The following TMEM165 variants were observed in gnomAD, a reference collection of about 807,000 sequenced individuals.
TMEM165 encodes transmembrane protein 165.
A neutral mutation model predicts 30.0 loss-of-function variants in TMEM165; 19 were observed. The ratio of observed to expected loss-of-function variants is 0.63; its 90% CI spans 0.44 to 0.93. The LOEUF (loss-of-function observed/expected upper bound fraction) is 0.93, where lower values mean the gene tolerates loss of function less well. Among genes scored for constraint, TMEM165 ranks in the 40% least tolerant of loss-of-function variants. TMEM165 has a pLI of 0.00. For synonymous variants in TMEM165, 168 were observed against 162.9 expected (o/e 1.03, Z -0.24); for missense variants, 340 against 417.0 (o/e 0.82, Z 1.61).
intron 1 of TMEM165, among the ~76,000 whole-genome samples, chr4:55,401,901 G>C (rs1008157624): frequency 2.0e-5 from 3 of 149,992 alleles, no homozygotes; most frequent in Non-Finnish European, 4.4e-5. Flanking sequence ...TGGATCACCT[G>C]AGGTCAAGAG....
At chr4:55,400,361 A>AAT (rs1720941685) in intron 1 of TMEM165, among the ~76,000 whole-genome samples, 3 of 54,162 alleles carry the variant, frequency 5.5e-5, no homozygotes, top group East Asian at 1.5e-3. Flanking sequence ...ATATTAATAT[A>AAT]ATTAATTATA....
At chr4:55,446,646 C>T (rs1577689335) in intron 3 of TMEM165, among the ~76,000 whole-genome samples, 2 of 152,148 alleles carry the variant, frequency 1.3e-5, no homozygotes, top group South Asian at 4.1e-4. Flanking sequence ...AATCTTATTT[C>T]TCTGTTTTAC....
intron 2 of TMEM165, among the ~76,000 whole-genome samples, chr4:55,413,996 C>T (rs1047122800): frequency 6.6e-6 from 1 of 152,136 alleles, no homozygotes; most frequent in Admixed American, 6.5e-5. Context: ...AGGCTGGGCG[C>T]GGTGGCTCAC....
At position 55,453,044 on chromosome 4, in the gene TMEM165, A is replaced by G. The variant is rs141393811; in HGVS notation, c.*738A>G. On this transcript the variant is annotated 3_prime_UTR_variant, in exon 4 of 4. Coordinates refer to the TMEM165 transcript ENST00000608091. Reference sequence around the variant, plus strand: ...TTAAAAATAATTTTTTTTAATTATAAGAAACATACTTTGTCAGCAGCTGTC... The same window carrying G: ...TTAAAAATAATTTTTTTTAATTATAGGAAACATACTTTGTCAGCAGCTGTC... 6.2e-4 allele frequency: 987 copies of G among 1,589,514 alleles called. 6 individuals are homozygous for G. In the African/African-American group the frequency reaches 0.012, roughly 19 times the overall value.
downstream of TMEM165, chr4:55,428,636 T>C (rs961884653): frequency 3.3e-5 from 5 of 152,226 alleles, no homozygotes; most frequent in African/African-American, 4.8e-5. Context: ...GAGCTACATC[T>C]ACTTTTTAAT....
In TMEM165 at chr4:55,406,600, C is replaced by T. The variant is rs563362144; in HGVS notation, c.208-5014C>T. On this transcript the variant is annotated intron_variant, in intron 1 of 5. Transcript: ENST00000381334. ...TTATTCTTTTAGCTCTATAATATTCCGTTATGTGGATCTACCATTTATTTA... is the reference window on the plus strand; with the variant it reads ...TTATTCTTTTAGCTCTATAATATTCTGTTATGTGGATCTACCATTTATTTA... Among the ~76,000 whole-genome samples the T allele has an allele frequency of 1.4e-4, 22 of 152,136 alleles. No individual in the cohort carries two copies. The South Asian group carries it at 1.9e-3, about 13-fold the overall frequency.
At chr4:55,414,400 ATCTTC>A (rs1171041192) in intron 2 of TMEM165, among the ~76,000 whole-genome samples, 5 of 152,016 alleles carry the variant, frequency 3.3e-5, no homozygotes, top group Non-Finnish European at 5.9e-5. Context: ...TTATTTCTAC[ATCTTC>A]TCTTTTATAG....
At chr4:55,398,475 G>A (rs978423701) in intron 1 of TMEM165, among the ~76,000 whole-genome samples, 1 of 152,228 alleles carries the variant, frequency 6.6e-6, no homozygotes, top group Non-Finnish European at 1.5e-5. Flanking sequence ...AGTTTTATTA[G>A]CATTCATTGT....
intron 3 of TMEM165, among the ~76,000 whole-genome samples, chr4:55,441,046 C>T (rs2109670233): frequency 6.6e-6 from 1 of 152,322 alleles, no homozygotes; most frequent in Middle Eastern, 3.4e-3. Context: ...GTATTCATCA[C>T]CCCAAACAAT....
intron 4 of TMEM165, among the ~76,000 whole-genome samples, chr4:55,420,372 C>G (rs142907648): frequency 6.6e-6 from 1 of 151,408 alleles, no homozygotes; most frequent in East Asian, 2.0e-4. Flanking sequence ...GCTTGAGGCT[C>G]CCTACCTACG....
chr4:55,403,841 G>A (rs1721152874), intron 1 of TMEM165, among the ~76,000 whole-genome samples: 1 of 151,972 alleles, frequency 6.6e-6, no homozygotes, highest in Non-Finnish European at 1.5e-5. Flanking sequence ...CATCCTTTGT[G>A]TACCTCCTCT....
At chr4:55,412,987 A>AT (rs962814869) in intron 2 of TMEM165, among the ~76,000 whole-genome samples, 13 of 150,812 alleles carry the variant, frequency 8.6e-5, no homozygotes, top group East Asian at 3.9e-4. Flanking sequence ...TTATTTATTT[A>AT]TTTTTTTTTA....
At chr4:55,449,287 T>C in intron 3 of TMEM165, 1 of 1,012,536 alleles carries the variant, frequency 9.9e-7, no homozygotes, top group Non-Finnish European at 1.6e-6. Flanking sequence ...CAGTAACTAT[T>C]TTGATCTTTA....
In TMEM165 at chr4:55,425,747, T is replaced by C. The variant is rs943042446; in HGVS notation, c.*295T>C. On this transcript the variant is annotated 3_prime_UTR_variant, in exon 6 of 6. Transcript: ENST00000381334. Reference sequence around the variant, plus strand: ...TTGTGCAGTGGGGTCTACCATGCAATTTTCTTTCAGCACTGACCCCTTTTT... The same window carrying C: ...TTGTGCAGTGGGGTCTACCATGCAACTTTCTTTCAGCACTGACCCCTTTTT... The C allele has an allele frequency of 2.8e-5, 6 of 214,176 alleles. No homozygotes were observed. The East Asian group carries it at 6.9e-4, about 25-fold the overall frequency. The allele number at this position is 214,176 out of a possible 1,614,324, so 13.3% of individuals were successfully genotyped here. A position where few individuals can be genotyped will look rare whatever the true frequency, so the allele number is the denominator to read the frequency against.
chr4:55,409,874 A>G (rs1721413933), intron 1 of TMEM165, among the ~76,000 whole-genome samples: 1 of 152,192 alleles, frequency 6.6e-6, no homozygotes, highest in Admixed American at 6.5e-5. Context: ...TGCCATCTCT[A>G]ACTTTTTAGT....
chr4:55,448,752 G>T, intron 3 of TMEM165: 1 of 1,554,250 alleles, frequency 6.4e-7, no homozygotes, highest in East Asian at 2.3e-5. Flanking sequence ...ATTCAAATAC[G>T]CAACTGAAAC....
intron 2 of TMEM165, among the ~76,000 whole-genome samples, chr4:55,412,348 C>A (rs1419640521): frequency 7.0e-6 from 1 of 142,590 alleles, no homozygotes; most frequent in South Asian, 2.2e-4. Flanking sequence ...GAGCTGAGAT[C>A]GCGCCACTAC....
intron 3 of TMEM165, chr4:55,438,417 A>G (rs1254923575): frequency 1.2e-6 from 2 of 1,613,908 alleles, no homozygotes; most frequent in South Asian, 2.2e-5. Flanking sequence ...GCTGTTGTGT[A>G]GCAAAAGTAG....
chr4:55,429,171 T>C (rs1310502944), downstream of TMEM165: 1 of 152,204 alleles, frequency 6.6e-6, no homozygotes, highest in East Asian at 1.9e-4. Context: ...TTGAATGTCA[T>C]TTTTAAAAGC....
Sources: gnomAD v4.1 joint callset for allele counts (sites outside exome capture counted in the v4.1 genomes callset) on GRCh38, gnomAD v4.1.1 for gene constraint, MANE v1.5 for transcripts, NCBI Gene and HGNC (gene_info 2026-07-23, HGNC 2026-07-21) for gene names.